Variants in GALNT13 observed in about 807,000 individuals in gnomAD.
GALNT13 encodes polypeptide N-acetylgalactosaminyltransferase 13, also known as UDP-GalNAc:polypeptide N-acetylgalactosaminyltransferase 13.
Under a neutral mutation model 64.2 loss-of-function variants are expected in GALNT13, and 28 were observed. The ratio of observed to expected loss-of-function variants is 0.44; its 90% confidence interval spans 0.32 to 0.60. The LOEUF (loss-of-function observed/expected upper bound fraction) is 0.60. Ranked by LOEUF, GALNT13 falls within the 20% of genes least tolerant of loss-of-function variation. The pLI, the probability that GALNT13 is intolerant of heterozygous loss-of-function variation, is 0.05. For synonymous variants in GALNT13, 214 were observed against 224.6 expected, an observed-to-expected ratio of 0.95 and a Z score of 0.42; for missense variants, 577 against 669.8, an observed-to-expected ratio of 0.86 and a Z score of 1.53.
chr2:153,907,161 AGTAGGTTGCGAAAATTTTCTCCCATTTT>A (rs1481904340), intron 2 of GALNT13, among the ~76,000 whole-genome samples: 55 of 151,600 alleles, frequency 3.6e-4, no homozygotes, highest in African/African-American at 1.0e-3. Flanking sequence ...TTGTCAGATG[AGTAGGTTGCGAAAATTTTCTCCCATTTT>A]GTAGGTTGCC....
chr2:153,592,171 A>G, the GALNT13 span, among the ~76,000 whole-genome samples: 1 of 152,160 alleles, frequency 6.6e-6, no homozygotes, highest in African/African-American at 2.4e-5. Flanking sequence ...GCTAGCATTA[A>G]AGTCAAGAAA....
the GALNT13 span, among the ~76,000 whole-genome samples, chr2:153,075,089 G>T: frequency 6.6e-6 from 1 of 152,096 alleles, no homozygotes; most frequent in African/African-American, 2.4e-5. Context: ...GTAGGTTTCT[G>T]AACCGTTTTA....
At chr2:154,419,737 T>C (rs1030151276) in intron 11 of GALNT13, among the ~76,000 whole-genome samples, 1 of 152,124 alleles carries the variant, frequency 6.6e-6, no homozygotes, top group Admixed American at 6.6e-5. Flanking sequence ...GGATATCTAC[T>C]GTGATTATCG....
chr2:154,150,379 C>G (rs1683916175), intron 4 of GALNT13, among the ~76,000 whole-genome samples: 2 of 152,228 alleles, frequency 1.3e-5, no homozygotes, highest in Non-Finnish European at 2.9e-5. Context: ...GGATATTGGT[C>G]TAAAATTCTC....
chr2:153,961,370 C>T (rs1692931144), intron 3 of GALNT13, among the ~76,000 whole-genome samples: 1 of 152,090 alleles, frequency 6.6e-6, no homozygotes, highest in South Asian at 2.1e-4. Context: ...GTCTAATATT[C>T]TTTGTAATAT....
At chr2:154,403,879 T>C (rs1197254906) in intron 10 of GALNT13, among the ~76,000 whole-genome samples, 1 of 152,218 alleles carries the variant, frequency 6.6e-6, no homozygotes, top group Non-Finnish European at 1.5e-5. Flanking sequence ...CCAGACTCCA[T>C]AGAATACCTT....
intron 3 of GALNT13, among the ~76,000 whole-genome samples, chr2:154,127,809 T>C (rs1375267979): frequency 6.6e-6 from 1 of 151,188 alleles, no homozygotes; most frequent in Non-Finnish European, 1.5e-5. Context: ...TTTGCATATA[T>C]TTCTGCATAC....
the GALNT13 span, among the ~76,000 whole-genome samples, chr2:153,688,551 T>C: frequency 6.6e-6 from 1 of 152,020 alleles, no homozygotes; most frequent in African/African-American, 2.4e-5. Flanking sequence ...ATTCTTCAGA[T>C]TAAGATATAT....
chr2:154,032,285 A>C (rs1327764714), intron 3 of GALNT13, among the ~76,000 whole-genome samples: 1 of 152,124 alleles, frequency 6.6e-6, no homozygotes, highest in Non-Finnish European at 1.5e-5. Context: ...TCCTGTTTGT[A>C]TTTAAAAATC....
chr2:153,187,620 T>A, the GALNT13 span: 2 of 152,212 alleles, frequency 1.3e-5, no homozygotes, highest in Non-Finnish European at 2.9e-5. Context: ...TATTCTATAA[T>A]CTTGTTGATG....
chr2:153,310,502 A>T, the GALNT13 span, among the ~76,000 whole-genome samples: 1 of 152,136 alleles, frequency 6.6e-6, no homozygotes. Context: ...ACTCAATGAG[A>T]AGGTGAAGAC....
intron 3 of GALNT13, among the ~76,000 whole-genome samples, chr2:154,056,141 A>G (rs1699882281): frequency 6.6e-6 from 1 of 152,124 alleles, no homozygotes; most frequent in Non-Finnish European, 1.5e-5. Flanking sequence ...ATTTAAAAAG[A>G]AAAAAAGGAA....
the GALNT13 span, among the ~76,000 whole-genome samples, chr2:153,797,598 C>T: frequency 1.3e-5 from 2 of 152,068 alleles, no homozygotes; most frequent in African/African-American, 2.4e-5. Flanking sequence ...AATGTGTTTC[C>T]CTGAAGAACC....
intron 3 of GALNT13, among the ~76,000 whole-genome samples, chr2:154,031,054 C>T (rs1698305002): frequency 6.6e-6 from 1 of 151,948 alleles, no homozygotes; most frequent in Non-Finnish European, 1.5e-5. Flanking sequence ...GATAACTGAC[C>T]ACTTATTAAA....
At chr2:153,745,354 A>G in the GALNT13 span, among the ~76,000 whole-genome samples, 1 of 152,194 alleles carries the variant, frequency 6.6e-6, no homozygotes, top group East Asian at 1.9e-4. Flanking sequence ...TAATTCTTTG[A>G]TAGAACTTTT....
At chr2:154,375,567 C>G (rs2177672) in intron 9 of GALNT13, among the ~76,000 whole-genome samples, 86,369 of 151,880 alleles carry the variant, frequency 0.57, 25,115 homozygotes, top group Admixed American at 0.65. Context: ...GCAACAAGAA[C>G]GTGGACACTA....
At chr2:153,829,579 G>A in the GALNT13 span, among the ~76,000 whole-genome samples, 1 of 152,030 alleles carries the variant, frequency 6.6e-6, no homozygotes, top group Non-Finnish European at 1.5e-5. Context: ...TGAGAATTGT[G>A]GGAGTTACAA....
At chr2:154,256,055 C>CA (rs1375686747) in intron 7 of GALNT13, among the ~76,000 whole-genome samples, 3 of 146,556 alleles carry the variant, frequency 2.0e-5, no homozygotes, top group Admixed American at 6.8e-5. Flanking sequence ...GACCCTGTCT[C>CA]AAAAAAAGAA....
At chr2:154,085,507 T>C (rs1258532572) in intron 3 of GALNT13, among the ~76,000 whole-genome samples, 2 of 151,994 alleles carry the variant, frequency 1.3e-5, no homozygotes, top group African/African-American at 2.4e-5. Context: ...CAGGATGGTA[T>C]AAAAGAGTTA....
Sources: gnomAD v4.1 joint callset for allele counts (sites outside exome capture counted in the v4.1 genomes callset) on GRCh38, gnomAD v4.1.1 for gene constraint, MANE v1.5 for transcripts, NCBI Gene and HGNC (gene_info 2026-07-23, HGNC 2026-07-21) for gene names.